PRIM2: variants seen among roughly 807,000 people sequenced by gnomAD.
The protein encoded by PRIM2 is DNA primase large subunit.
In PRIM2, 39 loss-of-function variants were observed where a neutral mutation model predicts 67.3. The ratio of observed to expected loss-of-function variants is 0.58; its 90% CI spans 0.45 to 0.76. The LOEUF is 0.76. Among genes scored for constraint, PRIM2 ranks in the 30% least tolerant of loss-of-function variants. The pLI is 0.00. For synonymous variants in PRIM2, 143 were observed against 198.7 expected (o/e 0.72, Z 2.36); for missense variants, 398 against 598.7 (o/e 0.66, Z 3.50).
At chr6:57,333,839 G>A (rs1443457953) in intron 5 of PRIM2, among the ~76,000 whole-genome samples, 3 of 151,864 alleles carry the variant, frequency 2.0e-5, no homozygotes, top group African/African-American at 7.3e-5. Flanking sequence ...ATAATGTTTT[G>A]AAGGGTACAT....
At chr6:57,537,143 GTTAAC>G (rs1377174362) in intron 9 of PRIM2, among the ~76,000 whole-genome samples, 3 of 151,954 alleles carry the variant, frequency 2.0e-5, no homozygotes, top group Non-Finnish European at 4.4e-5. Context: ...GGAGTCTGTA[GTTAAC>G]TTCAAAGAAA....
intron 2 of PRIM2, among the ~76,000 whole-genome samples, chr6:57,320,165 C>A (rs561700241): frequency 6.6e-6 from 1 of 152,198 alleles, no homozygotes; most frequent in East Asian, 1.9e-4. Context: ...TTTTTCCATA[C>A]TGACATACTT....
chr6:57,280,728 C>T, the PRIM2 span, among the ~76,000 whole-genome samples: 1 of 152,188 alleles, frequency 6.6e-6, no homozygotes, highest in South Asian at 2.1e-4. Flanking sequence ...CGGCTGGTCT[C>T]GAACTCCTGA....
Position 57,597,205 on chromosome 6 carries a change from C to G in PRIM2, c.1021-3888C>G, listed in dbSNP as rs1162829202. The stretch of plus-strand genomic sequence containing the variant: ...CAGCACCGTACAAACTGCTGCTGTG[C>G]GTTCTTTTGAGGAAGCAATGTCTTC... On this transcript the variant is annotated intron_variant, in intron 10 of 13. Coordinates refer to ENST00000615550, the MANE Select transcript of PRIM2 (RefSeq NM_000947.5). 2.6e-5 allele frequency among the ~76,000 whole-genome samples: 4 copies of G among 152,286 alleles called. No individual in the cohort carries two copies. The East Asian group carries it at 7.7e-4, about 29-fold the overall frequency.
At chr6:57,414,824 G>T (rs1460381457) in intron 7 of PRIM2, among the ~76,000 whole-genome samples, 1 of 151,688 alleles carries the variant, frequency 6.6e-6, no homozygotes, top group Non-Finnish European at 1.5e-5. Context: ...TTTTATTTCT[G>T]TTTCTTTTAC....
chr6:57,502,501 G>A (rs1554346961), intron 7 of PRIM2, among the ~76,000 whole-genome samples: 1 of 148,736 alleles, frequency 6.7e-6, no homozygotes, highest in Non-Finnish European at 1.5e-5. Flanking sequence ...CTAATGCCGC[G>A]ATTTTTTTAC....
chr6:57,581,489 C>A (rs1316352244), intron 10 of PRIM2, among the ~76,000 whole-genome samples: 1 of 152,160 alleles, frequency 6.6e-6, no homozygotes, highest in African/African-American at 2.4e-5. Context: ...ATTGCTGTTA[C>A]ATCAGTGGCA....
At chr6:57,320,122 T>C (rs1767601958) in intron 2 of PRIM2, among the ~76,000 whole-genome samples, 2 of 152,200 alleles carry the variant, frequency 1.3e-5, no homozygotes, top group African/African-American at 4.8e-5. Flanking sequence ...GCAGCTCCCA[T>C]ACGAAGGATG....
Position 57,366,073 on chromosome 6 carries a change from TA to T in PRIM2, c.460-13819del, listed in dbSNP as rs67797113. ...CTTATAGTATTGTACATAAATAATA[TA>T]AAAAAAAACTGTATCTTCAAGCAGA... On this transcript the variant is annotated intron_variant, in intron 5 of 13. Coordinates refer to ENST00000615550, the MANE Select transcript of PRIM2 (RefSeq NM_000947.5). Among the ~76,000 whole-genome samples, 31 of 148,480 alleles carry T rather than the reference TA, an allele frequency of 2.1e-4. No homozygotes were observed. The East Asian group carries it at 3.6e-3, about 17-fold the overall frequency.
intron 7 of PRIM2, among the ~76,000 whole-genome samples, chr6:57,473,841 A>G (rs1192021313): frequency 6.6e-6 from 1 of 152,080 alleles, no homozygotes; most frequent in African/African-American, 2.4e-5. Flanking sequence ...CTCTTTGCTA[A>G]ACTTGAATAA....
chr6:57,349,777 C>T (rs1242407537), intron 5 of PRIM2, among the ~76,000 whole-genome samples: 3 of 151,966 alleles, frequency 2.0e-5, no homozygotes, highest in African/African-American at 7.3e-5. Flanking sequence ...TCTTTTTTAA[C>T]ACTTTTCTCT....
intron 7 of PRIM2, among the ~76,000 whole-genome samples, chr6:57,495,701 C>T (rs1433282680): frequency 1.3e-5 from 2 of 152,138 alleles, no homozygotes; most frequent in Non-Finnish European, 2.9e-5. Flanking sequence ...TAGTAATAAT[C>T]TTGTCCACCT....
intron 8 of PRIM2, among the ~76,000 whole-genome samples, chr6:57,523,133 G>T (rs1554349070): frequency 1.3e-5 from 2 of 152,192 alleles, no homozygotes; most frequent in Non-Finnish European, 2.9e-5. Flanking sequence ...AATTTAGGCC[G>T]AGATGATGAT....
intron 5 of PRIM2, among the ~76,000 whole-genome samples, chr6:57,367,576 G>T (rs922478511): frequency 6.6e-5 from 10 of 152,094 alleles, no homozygotes; most frequent in African/African-American, 2.4e-4. Context: ...TCACACTTTC[G>T]AGGGTTAGGG....
At chr6:57,280,138 GT>G in the PRIM2 span, among the ~76,000 whole-genome samples, 1 of 152,078 alleles carries the variant, frequency 6.6e-6, no homozygotes, top group South Asian at 2.1e-4. Context: ...CTTTCAAATA[GT>G]TTTTGTTTTC....
intron 10 of PRIM2, among the ~76,000 whole-genome samples, chr6:57,543,284 T>C (rs1775215056): frequency 1.3e-5 from 2 of 152,190 alleles, no homozygotes; most frequent in South Asian, 4.1e-4. Context: ...ACATTTTTTA[T>C]AGTGCTAATT....
the PRIM2 span, among the ~76,000 whole-genome samples, chr6:57,278,099 G>A: frequency 6.6e-6 from 1 of 151,986 alleles, no homozygotes; most frequent in Non-Finnish European, 1.5e-5. Context: ...GCCTGAGATG[G>A]GCAGATCACT....
intron 12 of PRIM2, among the ~76,000 whole-genome samples, chr6:57,620,325 A>G (rs1776828572): frequency 6.6e-6 from 1 of 152,360 alleles, no homozygotes; most frequent in East Asian, 1.9e-4. Context: ...AGCACCAGGT[A>G]ACCTATAAAG....
At chr6:57,428,511 CAG>C (rs1771706537) in intron 7 of PRIM2, among the ~76,000 whole-genome samples, 1 of 152,114 alleles carries the variant, frequency 6.6e-6, no homozygotes, top group Non-Finnish European at 1.5e-5. Flanking sequence ...AAATATTTTT[CAG>C]TAGGGCTCCC....
Sources: allele counts gnomAD v4.1 joint callset (sites outside exome capture counted in the v4.1 genomes callset), GRCh38; gene constraint gnomAD v4.1.1; transcripts MANE v1.5; gene names NCBI Gene and HGNC (gene_info 2026-07-23, HGNC 2026-07-21).